Variants in TAFA5 observed in about 807,000 individuals in gnomAD.
The protein encoded by TAFA5 is chemokine-like protein TAFA-5.
A neutral mutation model predicts 15.3 loss-of-function variants in TAFA5; 6 were observed. The observed-to-expected ratio is 0.39, with a 90% CI of 0.21 to 0.77. The LOEUF (loss-of-function observed/expected upper bound fraction) is 0.77, where lower values mean the gene tolerates loss of function less well. Among genes scored for constraint, TAFA5 ranks in the 30% least tolerant of loss-of-function variants. TAFA5 has a pLI of 0.41. For synonymous variants in TAFA5, 103 were observed against 80.7 expected (o/e 1.28, Z -1.48); for missense variants, 161 against 193.1 (o/e 0.83, Z 0.98).
chr22:48,667,021 G>A (rs535819529), intron 2 of TAFA5, among the ~76,000 whole-genome samples: 1 of 152,262 alleles, frequency 6.6e-6, no homozygotes, highest in Non-Finnish European at 1.5e-5. Flanking sequence ...GTCTGGGGAA[G>A]CCCAAACAGG....
At chr22:48,583,573 C>T (rs1206269653) in intron 1 of TAFA5, among the ~76,000 whole-genome samples, 6 of 58,888 alleles carry the variant, frequency 1.0e-4, no homozygotes, top group East Asian at 1.0e-3. Flanking sequence ...CCACACATCA[C>T]GCACACACAC....
intron 1 of TAFA5, among the ~76,000 whole-genome samples, chr22:48,536,302 TC>T (rs1268555276): frequency 6.6e-6 from 1 of 152,190 alleles, no homozygotes; most frequent in East Asian, 1.9e-4. Flanking sequence ...GGGAGAATTG[TC>T]TATCAGAGGG....
chr22:48,733,174 A>G (rs1257738926), intron 3 of TAFA5, among the ~76,000 whole-genome samples: 22 of 152,226 alleles, frequency 1.4e-4, no homozygotes, highest in Admixed American at 1.4e-3. Flanking sequence ...ACCAGACTGA[A>G]TATTTTAAAA....
intron 1 of TAFA5, among the ~76,000 whole-genome samples, chr22:48,592,011 G>A (rs1188830421): frequency 6.6e-6 from 1 of 152,158 alleles, no homozygotes; most frequent in Admixed American, 6.5e-5. Context: ...CGGCCCCGGG[G>A]CACCTCCCCT....
intron 3 of TAFA5, among the ~76,000 whole-genome samples, chr22:48,721,967 ACT>A (rs1404979743): frequency 1.5e-5 from 2 of 135,504 alleles, no homozygotes; most frequent in African/African-American, 2.9e-5. Context: ...ACAGAGCAAA[ACT>A]CTGTCTGAAA....
At chr22:48,634,700 T>G (rs1407639134) in intron 1 of TAFA5, among the ~76,000 whole-genome samples, 4 of 151,974 alleles carry the variant, frequency 2.6e-5, no homozygotes, top group Admixed American at 6.6e-5. Flanking sequence ...CAGTCAGTCA[T>G]TCATTCATTC....
chr22:48,720,583 G>C (rs1569093593), intron 3 of TAFA5, among the ~76,000 whole-genome samples: 1 of 152,156 alleles, frequency 6.6e-6, no homozygotes, highest in African/African-American at 2.4e-5. Context: ...CCAGGACAGA[G>C]GGGTCCTGGG....
chr22:48,563,312 A>AC (rs1386396103), intron 1 of TAFA5, among the ~76,000 whole-genome samples: 2 of 151,716 alleles, frequency 1.3e-5, no homozygotes, highest in Admixed American at 6.6e-5. Flanking sequence ...CCATGACTGT[A>AC]CCCACCCCAC....
At chr22:48,544,746 G>A (rs1007324982) in intron 1 of TAFA5, 1 of 471,172 alleles carries the variant, frequency 2.1e-6, no homozygotes, top group Non-Finnish European at 4.4e-6. Flanking sequence ...CGGGCTGCGG[G>A]GAGGCTGACT....
chr22:48,520,580 C>CA (rs1921569272), intron 1 of TAFA5, among the ~76,000 whole-genome samples: 1 of 152,202 alleles, frequency 6.6e-6, no homozygotes, highest in Non-Finnish European at 1.5e-5. Context: ...GAATGCCTGC[C>CA]ATCGGGGACT....
At chr22:48,625,791 C>G (rs1258031855) in intron 1 of TAFA5, among the ~76,000 whole-genome samples, 41 of 152,212 alleles carry the variant, frequency 2.7e-4, no homozygotes, top group Admixed American at 2.6e-3. Context: ...TGTTCACCAT[C>G]ACAGCATCCT....
At chr22:48,666,030 G>T (rs1258958832) in intron 2 of TAFA5, among the ~76,000 whole-genome samples, 1 of 152,210 alleles carries the variant, frequency 6.6e-6, no homozygotes, top group Non-Finnish European at 1.5e-5. Context: ...GGCTCCAGGA[G>T]GGTGGGGACT....
At chr22:48,622,944 A>G (rs558181706) in intron 1 of TAFA5, among the ~76,000 whole-genome samples, 1 of 152,186 alleles carries the variant, frequency 6.6e-6, no homozygotes, top group African/African-American at 2.4e-5. Flanking sequence ...CAGGGACCCA[A>G]TGCTCGCTTC....
chr22:48,507,291 G>A (rs758239564), intron 1 of TAFA5, among the ~76,000 whole-genome samples: 21 of 142,762 alleles, frequency 1.5e-4, no homozygotes, highest in African/African-American at 2.4e-4. Flanking sequence ...CAAGGGCCAG[G>A]TGTGCAGTTG....
intron 1 of TAFA5, chr22:48,545,190 C>T (rs1922619290): frequency 3.3e-6 from 1 of 299,210 alleles, no homozygotes; most frequent in South Asian, 3.3e-5. Context: ...GCCCTCCCCT[C>T]AGTCTTTCCG....
At chr22:48,629,883 C>T (rs1433538279) in intron 1 of TAFA5, among the ~76,000 whole-genome samples, 1 of 152,230 alleles carries the variant, frequency 6.6e-6, no homozygotes, top group East Asian at 1.9e-4. Context: ...CGAGTGTCCT[C>T]CCGGCAGAGG....
At chr22:48,595,702 A>G (rs964676765) in intron 1 of TAFA5, among the ~76,000 whole-genome samples, 7 of 152,278 alleles carry the variant, frequency 4.6e-5, no homozygotes, top group Admixed American at 6.5e-5. Context: ...ACTGGCTCCC[A>G]GCAGCCCTGG....
intron 1 of TAFA5, among the ~76,000 whole-genome samples, chr22:48,583,243 C>G (rs150920906): frequency 0.014 from 1,893 of 139,718 alleles, 51 homozygotes; most frequent in African/African-American, 0.049. Context: ...CCACACACCG[C>G]ACACACACCA....
At chr22:48,541,925 T>C (rs947540820) in intron 1 of TAFA5, among the ~76,000 whole-genome samples, 4 of 152,132 alleles carry the variant, frequency 2.6e-5, no homozygotes, top group Admixed American at 6.5e-5. Flanking sequence ...GGGGATCGTG[T>C]GGGTGCTGAG....
Sources: allele counts gnomAD v4.1 joint callset (sites outside exome capture counted in the v4.1 genomes callset), GRCh38; gene constraint gnomAD v4.1.1; transcripts MANE v1.5; gene names NCBI Gene and HGNC (gene_info 2026-07-23, HGNC 2026-07-21).